ROBO2: variants seen among roughly 807,000 people sequenced by gnomAD.
ROBO2 encodes roundabout homolog 2.
ROBO2 carries 53 observed loss-of-function variants against 160.8 expected under a neutral mutation model. The ratio of observed to expected loss-of-function variants is 0.33; its 90% CI spans 0.26 to 0.41. The LOEUF is 0.41. Ranked by LOEUF, ROBO2 falls within the 10% of genes least tolerant of loss-of-function variation. The pLI, the probability that ROBO2 is intolerant of heterozygous loss-of-function variation, is 1.00. For missense variants in ROBO2, 1,577 were observed against 1,722.4 expected (o/e 0.92, Z 1.49); for synonymous variants, 664 against 611.7 (o/e 1.09, Z -1.26).
At position 76,127,168 on chromosome 3, in the gene ROBO2, C is replaced by A. The variant is rs1304324242; in HGVS notation, c.109+189566C>A. ...ATTTCCTTGTGGGACAGTCTGTAAG[C>A]CTTTGGGAAGTTTTGGATTAACCAA... On this transcript the variant is annotated intron_variant, in intron 2 of 26. Transcript: ENST00000487694. 2.6e-5 allele frequency among the ~76,000 whole-genome samples: 4 copies of A among 152,188 alleles called. No individual in the cohort carries two copies. In the East Asian group the frequency reaches 7.7e-4, roughly 29 times the overall value.
intron 2 of ROBO2, among the ~76,000 whole-genome samples, chr3:76,893,277 A>C (rs1010164374): frequency 1.3e-5 from 2 of 150,650 alleles, no homozygotes; most frequent in African/African-American, 4.9e-5. Context: ...GGATAAAACA[A>C]GAAAAAAAAA....
chr3:76,910,725 CAAAAAAAAAA>C (rs10662303), intron 2 of ROBO2, among the ~76,000 whole-genome samples: 3 of 35,526 alleles, frequency 8.4e-5, no homozygotes, highest in Non-Finnish European at 1.0e-4. Context: ...AACTCTGTCT[CAAAAAAAAAA>C]AAAAAAAAAG....
intron 2 of ROBO2, among the ~76,000 whole-genome samples, chr3:76,079,548 A>G (rs1293064943): frequency 6.6e-6 from 1 of 151,150 alleles, no homozygotes; most frequent in East Asian, 2.0e-4. Context: ...CAGTGGCACA[A>G]TCTCAGCTCA....
chr3:77,302,171 G>A (rs1322418488), intron 2 of ROBO2, among the ~76,000 whole-genome samples: 1 of 151,604 alleles, frequency 6.6e-6, no homozygotes, highest in African/African-American at 2.4e-5. Flanking sequence ...CAAACTACTG[G>A]CCTTAAATGA....
At chr3:76,944,858 G>T (rs1183479964) in intron 2 of ROBO2, among the ~76,000 whole-genome samples, 2 of 151,662 alleles carry the variant, frequency 1.3e-5, no homozygotes, top group African/African-American at 4.8e-5. Context: ...AGCAGGTCCT[G>T]TGGCCCTCCC....
At chr3:77,087,771 T>C (rs2069529067) in intron 1 of ROBO2, among the ~76,000 whole-genome samples, 1 of 152,012 alleles carries the variant, frequency 6.6e-6, no homozygotes. Flanking sequence ...TGTGTATACA[T>C]GTATATATAC....
intron 2 of ROBO2, among the ~76,000 whole-genome samples, chr3:76,539,424 T>G (rs1045723807): frequency 1.3e-5 from 2 of 151,780 alleles, no homozygotes; most frequent in African/African-American, 4.8e-5. Flanking sequence ...GTTTCATGCA[T>G]GGATAGTAGG....
intron 2 of ROBO2, among the ~76,000 whole-genome samples, chr3:75,977,799 A>G (rs902059439): frequency 2.0e-5 from 3 of 151,468 alleles, no homozygotes; most frequent in African/African-American, 7.3e-5. Context: ...TCTGCTATTG[A>G]TTATTTTCAC....
chr3:76,701,975 A>G (rs2093055130), intron 2 of ROBO2, among the ~76,000 whole-genome samples: 1 of 152,058 alleles, frequency 6.6e-6, no homozygotes, highest in Admixed American at 6.6e-5. Context: ...GAATCAGAGT[A>G]GGAAATGAAA....
intron 2 of ROBO2, among the ~76,000 whole-genome samples, chr3:77,204,393 G>A (rs2151041092): frequency 6.6e-6 from 1 of 152,102 alleles, no homozygotes; most frequent in East Asian, 1.9e-4. Context: ...TATATTTGAT[G>A]CTTAATTGAT....
chr3:76,225,825 A>C (rs1704249400), intron 2 of ROBO2, among the ~76,000 whole-genome samples: 1 of 152,200 alleles, frequency 6.6e-6, no homozygotes, highest in Non-Finnish European at 1.5e-5. Flanking sequence ...TGAAACTATC[A>C]GTTTTTTAAG....
At chr3:76,900,036 G>A (rs982009389) in intron 2 of ROBO2, among the ~76,000 whole-genome samples, 7 of 152,072 alleles carry the variant, frequency 4.6e-5, no homozygotes, top group African/African-American at 1.4e-4. Flanking sequence ...CGTGGCTGGG[G>A]AGGCCTCACA....
chr3:77,391,052 C>G (rs548938342), intron 2 of ROBO2, among the ~76,000 whole-genome samples: 1 of 152,028 alleles, frequency 6.6e-6, no homozygotes, highest in Admixed American at 6.6e-5. Flanking sequence ...CTGCATCCCC[C>G]TCAAAAGGCA....
intron 2 of ROBO2, among the ~76,000 whole-genome samples, chr3:75,988,939 TAA>T (rs150081501): frequency 0.045 from 6,781 of 151,952 alleles, 484 homozygotes; most frequent in African/African-American, 0.15. Context: ...ACTATTAATA[TAA>T]GTTTAAAATC....
intron 2 of ROBO2, among the ~76,000 whole-genome samples, chr3:77,420,873 T>C (rs144904331): frequency 1.3e-5 from 2 of 152,294 alleles, no homozygotes; most frequent in Non-Finnish European, 2.9e-5. Context: ...TGAGTAGATT[T>C]ATGCACATTT....
intron 2 of ROBO2, among the ~76,000 whole-genome samples, chr3:76,310,689 AT>A (rs2071537834): frequency 6.6e-6 from 1 of 152,198 alleles, no homozygotes; most frequent in African/African-American, 2.4e-5. Flanking sequence ...CACACAATAG[AT>A]TAACTACCCT....
intron 2 of ROBO2, among the ~76,000 whole-genome samples, chr3:77,151,004 G>T (rs1471614874): frequency 6.6e-6 from 1 of 151,990 alleles, no homozygotes; most frequent in African/African-American, 2.4e-5. Context: ...ATAGTATAGG[G>T]TTTATTTTTC....
At chr3:77,302,019 C>T (rs867787889) in intron 2 of ROBO2, among the ~76,000 whole-genome samples, 70 of 152,182 alleles carry the variant, frequency 4.6e-4, no homozygotes, top group Admixed American at 5.2e-4. Flanking sequence ...CCTCCTGCCT[C>T]AGCCTCCCAA....
chr3:76,181,117 T>C (rs772503343), intron 2 of ROBO2, among the ~76,000 whole-genome samples: 15 of 152,268 alleles, frequency 9.9e-5, no homozygotes, highest in Admixed American at 2.0e-4. Context: ...TAGGGCACTT[T>C]CTTTTCAATA....
Sources: allele counts gnomAD v4.1 joint callset (sites outside exome capture counted in the v4.1 genomes callset), GRCh38; gene constraint gnomAD v4.1.1; transcripts MANE v1.5; gene names NCBI Gene and HGNC (gene_info 2026-07-23, HGNC 2026-07-21).